FHIT: variants seen among roughly 807,000 people sequenced by gnomAD.
The protein encoded by FHIT is fragile histidine triad diadenosine triphosphatase, also known as bis(5'-adenosyl)-triphosphatase.
A neutral mutation model predicts 17.9 loss-of-function variants in FHIT; 19 were observed. That is an observed-to-expected ratio of 1.06 (90% CI 0.74 to 1.56). FHIT has a LOEUF of 1.56. FHIT is among the 40% of genes most tolerant of loss of function. The pLI, the probability that FHIT is intolerant of heterozygous loss-of-function variation, is 0.00. For synonymous variants in FHIT, 81 were observed against 69.7 expected, an observed-to-expected ratio of 1.16 and a Z score of -0.81; for missense variants, 248 against 189.2, an observed-to-expected ratio of 1.31 and a Z score of -1.82.
intron 5 of FHIT, among the ~76,000 whole-genome samples, chr3:60,472,841 G>T (rs1035489347): frequency 6.6e-6 from 1 of 152,148 alleles, no homozygotes; most frequent in Admixed American, 6.5e-5. Context: ...CAAGTTGGGG[G>T]TGGGGGTGGA....
At chr3:60,934,426 C>T (rs1553772616) in intron 3 of FHIT, among the ~76,000 whole-genome samples, 1 of 152,110 alleles carries the variant, frequency 6.6e-6, no homozygotes, top group East Asian at 1.9e-4. Flanking sequence ...ATGAGGTTTC[C>T]ATGAAAAAAT....
At chr3:59,766,986 C>A (rs766060410) in intron 8 of FHIT, among the ~76,000 whole-genome samples, 4 of 152,108 alleles carry the variant, frequency 2.6e-5, no homozygotes, top group Non-Finnish European at 5.9e-5. Context: ...CTACCAGATG[C>A]CAAAATTAAA....
chr3:60,575,162 G>A (rs1282559170), intron 4 of FHIT, among the ~76,000 whole-genome samples: 1 of 151,334 alleles, frequency 6.6e-6, no homozygotes, highest in East Asian at 2.0e-4. Flanking sequence ...GAATAAAAAG[G>A]AAAAAGAAAG....
chr3:61,156,320 T>G (rs1415491663), intron 2 of FHIT, among the ~76,000 whole-genome samples: 1 of 152,200 alleles, frequency 6.6e-6, no homozygotes, highest in Non-Finnish European at 1.5e-5. Flanking sequence ...CTACCATTTT[T>G]TAAGTCTACT....
At chr3:60,209,544 G>A (rs149795402) in intron 5 of FHIT, among the ~76,000 whole-genome samples, 1 of 152,232 alleles carries the variant, frequency 6.6e-6, no homozygotes, top group East Asian at 1.9e-4. Context: ...CAAGAACTCT[G>A]TTGAGCCAAT....
chr3:60,955,634 A>ATATATATT (rs56807373), intron 3 of FHIT, among the ~76,000 whole-genome samples: 3 of 34,680 alleles, frequency 8.7e-5, no homozygotes, highest in African/African-American at 3.6e-4. Flanking sequence ...ATATATATAT[A>ATATATATT]CACACACACA....
At chr3:59,767,962 G>T (rs1047257727) in intron 8 of FHIT, among the ~76,000 whole-genome samples, 2 of 152,138 alleles carry the variant, frequency 1.3e-5, no homozygotes, top group African/African-American at 4.8e-5. Context: ...GTTATTTGAT[G>T]AACTCTAGGG....
intron 4 of FHIT, among the ~76,000 whole-genome samples, chr3:60,558,547 T>C (rs1283067779): frequency 1.3e-5 from 2 of 151,992 alleles, no homozygotes; most frequent in Non-Finnish European, 2.9e-5. Context: ...CATTATTTAC[T>C]TCTCCTCTTG....
intron 4 of FHIT, among the ~76,000 whole-genome samples, chr3:60,650,107 A>C (rs1177079256): frequency 1.3e-5 from 2 of 152,214 alleles, no homozygotes; most frequent in Non-Finnish European, 2.9e-5. Context: ...TCTAGGCCTA[A>C]AATACAGTCT....
intron 3 of FHIT, among the ~76,000 whole-genome samples, chr3:60,831,264 A>G (rs1251815626): frequency 6.6e-6 from 1 of 152,170 alleles, no homozygotes; most frequent in Non-Finnish European, 1.5e-5. Flanking sequence ...TTTAGGAGGT[A>G]AGTTATTCCA....
In FHIT at chr3:60,926,920, A is replaced by AAAC. The variant is rs1559836846; in HGVS notation, c.-110-104910_-110-104909insGTT. Reference sequence around the variant, plus strand: ...TACAAACTACCATCACAGAATACTAAAAACACCTCTATGCAAATAAACTAC... The same window carrying AAAC: ...TACAAACTACCATCACAGAATACTAAAACAAACACCTCTATGCAAATAAACTAC... On this transcript the variant is annotated intron_variant, in intron 3 of 9. Coordinates refer to ENST00000492590, the MANE Select transcript of FHIT (RefSeq NM_002012.4). Among the ~76,000 whole-genome samples, 296 of 152,006 alleles carry AAAC rather than the reference A, an allele frequency of 1.9e-3. 8 individuals are homozygous for AAAC. In the East Asian group the frequency reaches 0.049, roughly 25 times the overall value.
intron 5 of FHIT, among the ~76,000 whole-genome samples, chr3:60,351,131 A>G (rs573491015): frequency 3.3e-5 from 5 of 152,284 alleles, no homozygotes; most frequent in African/African-American, 1.2e-4. Context: ...CACATGAACT[A>G]TGAGATAATA....
At chr3:59,906,547 C>T (rs1401825409) in intron 8 of FHIT, among the ~76,000 whole-genome samples, 1 of 152,176 alleles carries the variant, frequency 6.6e-6, no homozygotes. Context: ...CAAATTCATA[C>T]TGCTTCTGTG....
In FHIT at chr3:59,831,347, C is replaced by G. The variant is rs192436361; in HGVS notation, c.349-79026G>C. 3.3e-5 allele frequency among the ~76,000 whole-genome samples: 5 copies of G among 152,208 alleles called. No homozygotes were observed. In the East Asian group the frequency reaches 9.6e-4, roughly 29 times the overall value. ...TGCTTGCCATGTGCTTGCCAGTCTA[C>G]TAAGTGCCTAATGTGGATTACTTAG... is the stretch of plus-strand genomic sequence containing the variant. On this transcript the variant is annotated intron_variant, in intron 8 of 9. Transcript: ENST00000492590.
intron 4 of FHIT, among the ~76,000 whole-genome samples, chr3:60,539,176 C>A (rs986949740): frequency 3.3e-5 from 5 of 152,116 alleles, no homozygotes; most frequent in East Asian, 1.9e-4. Flanking sequence ...ATGCAGCCAA[C>A]AGACACATGA....
intron 3 of FHIT, among the ~76,000 whole-genome samples, chr3:60,904,937 TAAA>T (rs34683848): frequency 1.7e-4 from 22 of 132,412 alleles, no homozygotes; most frequent in Admixed American, 2.3e-4. Context: ...AGACTTGGTC[TAAA>T]AAAAAAAAAA....
chr3:60,351,962 T>G (rs1699421494), intron 5 of FHIT, among the ~76,000 whole-genome samples: 1 of 152,220 alleles, frequency 6.6e-6, no homozygotes, highest in African/African-American at 2.4e-5. Context: ...TATAGCTTGC[T>G]AACATCCTGT....
intron 5 of FHIT, among the ~76,000 whole-genome samples, chr3:60,330,507 T>C (rs2106849757): frequency 6.6e-6 from 1 of 152,334 alleles, no homozygotes; most frequent in South Asian, 2.1e-4. Context: ...GCATTTCACT[T>C]CTACGTCTGC....
chr3:60,248,820 T>G (rs1016306923), intron 5 of FHIT, among the ~76,000 whole-genome samples: 1 of 152,088 alleles, frequency 6.6e-6, no homozygotes, highest in African/African-American at 2.4e-5. Flanking sequence ...CCCTTTTTCT[T>G]CCCGAATGCA....
Sources: allele counts gnomAD v4.1 joint callset (sites outside exome capture counted in the v4.1 genomes callset), GRCh38; gene constraint gnomAD v4.1.1; transcripts MANE v1.5; gene names NCBI Gene and HGNC (gene_info 2026-07-23, HGNC 2026-07-21).